EPHB4: variants seen among roughly 807,000 people sequenced by gnomAD.
The protein encoded by EPHB4 is EPH receptor B4.
In EPHB4, 50 loss-of-function variants were observed where a neutral mutation model predicts 110.6. That is an observed-to-expected ratio of 0.45 (90% CI 0.36 to 0.57). The LOEUF (loss-of-function observed/expected upper bound fraction) is 0.57. Among genes scored for constraint, EPHB4 ranks in the 20% least tolerant of loss-of-function variants. The pLI is 0.00. For synonymous variants in EPHB4, 592 were observed against 578.4 expected (o/e 1.02, Z -0.34); for missense variants, 1,128 against 1,382.1 (o/e 0.82, Z 2.91).
At chr7:100,826,015 T>C (rs889120369) in intron 1 of EPHB4, among the ~76,000 whole-genome samples, 3 of 152,228 alleles carry the variant, frequency 2.0e-5, no homozygotes, top group Admixed American at 1.3e-4. Flanking sequence ...GAGAGGGTTT[T>C]TCTAACGCCG....
rs745861615 is a variant in EPHB4 at position 100,822,264 on chromosome 7, C to T, written c.808+7G>A. 7 of 1,555,714 alleles carry T rather than the reference C, an allele frequency of 4.5e-6. No homozygotes were observed. Among genetic ancestry groups the T allele is most frequent in the Admixed American group, 3.8e-5 (2 of 53,186 alleles). The stretch of plus-strand genomic sequence containing the variant: ...GCAGCAGTCGCAGGGGAAGCTCCAG[C>T]TCTCACCTCGGCACTTGGTGTTCCC... On this transcript the variant is annotated splice_region_variant and intron_variant, in intron 4 of 16. Transcript: ENST00000358173. The surrounding 1 kb of genome is among the most constrained non-coding windows in gnomAD (Gnocchi z 4.7).
chr7:100,816,767 G>A (rs1225898811), intron 8 of EPHB4, among the ~76,000 whole-genome samples: 1 of 152,038 alleles, frequency 6.6e-6, no homozygotes, highest in African/African-American at 2.4e-5. Flanking sequence ...CATGCCATGT[G>A]ATCCACAGGA....
chr7:100,819,025 T>C (rs1813152395), intron 6 of EPHB4, among the ~76,000 whole-genome samples: 1 of 152,200 alleles, frequency 6.6e-6, no homozygotes, highest in African/African-American at 2.4e-5. Flanking sequence ...GAATTCCTTC[T>C]GATTCTCTCT....
chr7:100,807,367 G>A lies in EPHB4; in HGVS notation c.2332C>T (p.Leu778=). The change falls in exon 13 of 17, where the codon CTG becomes TTG. Residue 778 remains leucine, a splice_region_variant and synonymous_variant. Coordinates refer to ENST00000358173, the MANE Select transcript of EPHB4 (RefSeq NM_004444.5). The stretch of plus-strand genomic sequence containing the variant: ...CCCAGTATTACCCCCAGCATTACCA[G>A]GGAGCTCGTGTAGGTGGGATCGGAA... ...NSSDPTYTSS[L]GGKIPIRWTA... is the part of the protein sequence containing the mutation. The A allele has an allele frequency of 6.2e-7, 1 of 1,613,584 alleles. No homozygotes were observed. Among genetic ancestry groups the A allele is most frequent in the Non-Finnish European group, 8.5e-7 (1 of 1,179,866 alleles).
At chr7:100,814,372 G>A (rs1379498747) in intron 8 of EPHB4, among the ~76,000 whole-genome samples, 1 of 152,148 alleles carries the variant, frequency 6.6e-6, no homozygotes, top group African/African-American at 2.4e-5. Flanking sequence ...TCCGCCTCCC[G>A]GGTTCTGCGA....
chr7:100,824,321 G>A, intron 1 of EPHB4, 48 bp from the exon 2 acceptor site: 3 of 1,599,142 alleles, frequency 1.9e-6, no homozygotes, highest in Non-Finnish European at 1.7e-6. Context: ...GGGGGAGGGA[G>A]GTCAGGAAGA....
At position 100,827,351 on chromosome 7, in the gene EPHB4, C is replaced by G. The variant is rs985996601; in HGVS notation, c.-321G>C. 2 of 151,030 alleles carry G rather than the reference C, an allele frequency of 1.3e-5. No individual in the cohort carries two copies. The highest frequency in any genetic ancestry group is 2.9e-5 in the Non-Finnish European group (2 of 67,818). 9.4% of individuals were successfully genotyped at this position (151,030 alleles called of 1,614,324 possible). A position where few individuals can be genotyped will look rare whatever the true frequency, so the allele number is the denominator to read the frequency against. ...CCCGGGTGGCGGGGGCTGAGCCGGC[C>G]GCTCGCGGTCTCCCCCCCTCCCTGG... On this transcript the variant is annotated 5_prime_UTR_variant, in exon 1 of 17. Coordinates refer to ENST00000358173, the MANE Select transcript of EPHB4 (RefSeq NM_004444.5).
At chr7:100,818,735 C>A in intron 6 of EPHB4, 91 bp from the exon 7 acceptor site, 2 of 1,435,668 alleles carry the variant, frequency 1.4e-6, no homozygotes, top group South Asian at 1.4e-5. Flanking sequence ...CGGAGTCGTG[C>A]TCTATCACCC....
chr7:100,808,867 G>A (rs1354915009), intron 12 of EPHB4, among the ~76,000 whole-genome samples: 1 of 152,148 alleles, frequency 6.6e-6, no homozygotes, highest in Non-Finnish European at 1.5e-5. Context: ...CTCAGTTTGT[G>A]GCAACACCAC....
chr7:100,814,089 G>C (rs1813010223), intron 8 of EPHB4, 68 bp from the exon 9 acceptor site: 4 of 1,559,532 alleles, frequency 2.6e-6, no homozygotes, highest in South Asian at 1.2e-5. Context: ...CCCCGGCTTT[G>C]AGCAATGAAC....
rs1358223903 is a variant in EPHB4, at chr7:100,812,944, CCTT to C, written c.1918_1920del (p.Lys640del). On this transcript the variant is annotated inframe_deletion, in exon 12 of 17. Coordinates refer to ENST00000358173, the MANE Select transcript of EPHB4 (RefSeq NM_004444.5). The stretch of plus-strand genomic sequence containing the variant: ...AGGGTCTTGATTGCCACACAGCTCT[CCTT>C]CTTCCCTGGGGCCTTGAGCCGCCCC... The C allele has an allele frequency of 1.9e-6, 3 of 1,613,904 alleles. No individual in the cohort carries two copies. The highest frequency in any genetic ancestry group is 1.3e-5 in the African/African-American group (1 of 74,946).
chr7:100,811,869 T>TAA (rs764889610), intron 12 of EPHB4, among the ~76,000 whole-genome samples: 10 of 132,260 alleles, frequency 7.6e-5, no homozygotes, highest in East Asian at 2.2e-4. Context: ...GACTCTGTCT[T>TAA]AAAAAAAAAA....
At chr7:100,805,758 C>T in intron 14 of EPHB4, 64 bp from the exon 15 acceptor site, 1 of 1,370,186 alleles carries the variant, frequency 7.3e-7, no homozygotes, top group Non-Finnish European at 9.5e-7. Flanking sequence ...CTAACAGGCC[C>T]AGGAAATGGT....
chr7:100,818,869 T>C (rs907406475), intron 6 of EPHB4, among the ~76,000 whole-genome samples: 1 of 152,014 alleles, frequency 6.6e-6, no homozygotes, highest in African/African-American at 2.4e-5. Flanking sequence ...CTAATTTTTT[T>C]ATTTTTAGTA....
Position 100,803,606 on chromosome 7 carries a change from A to C in EPHB4, c.2835-16T>G. 6.3e-7 allele frequency: 1 copy of C among 1,590,974 alleles called. No homozygotes were observed. The highest frequency in any genetic ancestry group is 8.6e-7 in the Non-Finnish European group (1 of 1,164,392). On this transcript the variant is annotated splice_polypyrimidine_tract_variant and intron_variant, in intron 16 of 16. Coordinates refer to ENST00000358173, the MANE Select transcript of EPHB4 (RefSeq NM_004444.5). The stretch of plus-strand genomic sequence containing the variant: ...GAGCAGGTCCCTGCAGAAGGAAAGG[A>C]GAGCTTGGTGAGACCCTAGGTTCCC...
intron 1 of EPHB4, among the ~76,000 whole-genome samples, chr7:100,826,291 C>T (rs1813394152): frequency 6.6e-6 from 1 of 151,836 alleles, no homozygotes; most frequent in Non-Finnish European, 1.5e-5. Flanking sequence ...TACCTGGGGG[C>T]TGTGTAGGTC....
chr7:100,814,720 G>A (rs563615779), intron 8 of EPHB4, among the ~76,000 whole-genome samples: 23 of 152,252 alleles, frequency 1.5e-4, no homozygotes, highest in African/African-American at 5.5e-4. Flanking sequence ...TCCATAAAAA[G>A]AAATGAAATA....
intron 7 of EPHB4, among the ~76,000 whole-genome samples, chr7:100,817,869 T>TTG (rs1429096394): frequency 1.5e-5 from 2 of 129,082 alleles, no homozygotes; most frequent in Non-Finnish European, 3.2e-5. Context: ...GTTTTTTTTT[T>TTG]TTTTTTTTTT....
At chr7:100,824,348 C>A in intron 1 of EPHB4, 75 bp from the exon 2 acceptor site, 1 of 1,505,170 alleles carries the variant, frequency 6.6e-7, no homozygotes, top group Non-Finnish European at 9.2e-7. Context: ...CCCTGGGAAC[C>A]GAGGCAGGTG....
Sources: allele counts gnomAD v4.1 joint callset (sites outside exome capture counted in the v4.1 genomes callset), GRCh38; gene constraint gnomAD v4.1.1; non-coding constraint Gnocchi (gnomAD v3.1); transcripts MANE v1.5; gene names NCBI Gene and HGNC (gene_info 2026-07-23, HGNC 2026-07-21).